Variants in LPAR1 observed in about 807,000 individuals in gnomAD.
LPAR1 encodes lysophosphatidic acid receptor 1.
A neutral mutation model predicts 23.8 loss-of-function variants in LPAR1; 5 were observed. The observed-to-expected ratio is 0.21, with a 90% CI of 0.11 to 0.44. The LOEUF (loss-of-function observed/expected upper bound fraction) is 0.44, where lower values mean the gene tolerates loss of function less well. LPAR1 is among the 20% of genes least tolerant of loss of function. The pLI is 0.99. For synonymous variants in LPAR1, 160 were observed against 164.7 expected, an observed-to-expected ratio of 0.97 and a Z score of 0.22; for missense variants, 311 against 482.8, an observed-to-expected ratio of 0.64 and a Z score of 3.33.
At chr9:110,878,048 T>C (rs2079589422) in intron 5 of LPAR1, among the ~76,000 whole-genome samples, 1 of 152,208 alleles carries the variant, frequency 6.6e-6, no homozygotes, top group South Asian at 2.1e-4. Context: ...CACCACAGCC[T>C]GACACAGGAG....
intron 2 of LPAR1, among the ~76,000 whole-genome samples, chr9:110,996,918 C>G (rs1330787147): frequency 7.9e-5 from 12 of 152,200 alleles, no homozygotes; most frequent in Non-Finnish European, 5.9e-5. Flanking sequence ...GATCTCTGAT[C>G]TAAGTTACAT....
At chr9:111,024,580 T>C (rs1044381760) in intron 2 of LPAR1, among the ~76,000 whole-genome samples, 3 of 146,892 alleles carry the variant, frequency 2.0e-5, no homozygotes, top group Non-Finnish European at 4.5e-5. Context: ...ACACACACAC[T>C]TTAAGTTCTG....
At chr9:110,983,415 C>A (rs753063767) in intron 2 of LPAR1, among the ~76,000 whole-genome samples, 2 of 152,014 alleles carry the variant, frequency 1.3e-5, no homozygotes, top group African/African-American at 2.4e-5. Context: ...CAAAAAAGGA[C>A]AAATACTCCA....
At chr9:110,894,333 A>T (rs2085536694) in intron 5 of LPAR1, among the ~76,000 whole-genome samples, 1 of 152,210 alleles carries the variant, frequency 6.6e-6, no homozygotes, top group South Asian at 2.1e-4. Context: ...ACATTGGACA[A>T]GTTATTCACT....
intron 5 of LPAR1, among the ~76,000 whole-genome samples, chr9:110,932,542 G>A (rs2094473451): frequency 6.6e-6 from 1 of 152,196 alleles, no homozygotes; most frequent in South Asian, 2.1e-4. Context: ...TAACAGAATG[G>A]TGCCTTAGAT....
At chr9:111,022,846 C>T (rs1051041979) in intron 2 of LPAR1, among the ~76,000 whole-genome samples, 7 of 151,752 alleles carry the variant, frequency 4.6e-5, no homozygotes. Context: ...GTCAGGAGAT[C>T]GAGACCATCC....
At chr9:110,980,594 T>A (rs1161509083) in intron 2 of LPAR1, among the ~76,000 whole-genome samples, 1 of 151,060 alleles carries the variant, frequency 6.6e-6, no homozygotes, top group Non-Finnish European at 1.5e-5. Context: ...AAGTAGAGAG[T>A]AGGATAGTGC....
At chr9:111,025,055 A>T (rs974025277) in intron 2 of LPAR1, among the ~76,000 whole-genome samples, 2 of 152,210 alleles carry the variant, frequency 1.3e-5, no homozygotes, top group African/African-American at 2.4e-5. Context: ...AATCCTTTGG[A>T]TATATACCCA....
intron 5 of LPAR1, among the ~76,000 whole-genome samples, chr9:110,909,761 T>C (rs1180163351): frequency 6.7e-6 from 1 of 149,100 alleles, no homozygotes; most frequent in Admixed American, 6.7e-5. Context: ...ATTTATTTAT[T>C]TAGAGAGAGG....
At chr9:111,029,062 C>T (rs984274209) in intron 2 of LPAR1, among the ~76,000 whole-genome samples, 5 of 152,102 alleles carry the variant, frequency 3.3e-5, no homozygotes, top group South Asian at 2.1e-4. Flanking sequence ...GCTTGATAAC[C>T]GATAAAACTA....
At chr9:110,909,115 G>A (rs1292212533) in intron 5 of LPAR1, among the ~76,000 whole-genome samples, 1 of 152,062 alleles carries the variant, frequency 6.6e-6, no homozygotes, top group Non-Finnish European at 1.5e-5. Context: ...CTTACACATT[G>A]TGACTATTTT....
rs535168442 is a variant in LPAR1 at position 110,978,678 on chromosome 9, C to T, written c.-181-5120G>A. Among the ~76,000 whole-genome samples the T allele has an allele frequency of 6.6e-5, 10 of 152,264 alleles. No homozygotes were observed. In the South Asian group the frequency reaches 2.1e-3, roughly 32 times the overall value. ...CTTGTCTTCTTTCTTATTATCTCTT[C>T]CGCCTATCAGAGCTAAATAGCATCT... On this transcript the variant is annotated intron_variant, in intron 2 of 5. Transcript: ENST00000683809.
At chr9:110,964,208 G>A (rs950589641) in intron 4 of LPAR1, among the ~76,000 whole-genome samples, 4 of 152,128 alleles carry the variant, frequency 2.6e-5, no homozygotes, top group African/African-American at 9.7e-5. Flanking sequence ...AATAAAGAGA[G>A]GAAGTGGAAT....
chr9:111,036,184 C>G lies in LPAR1; in HGVS notation c.-244G>C, dbSNP rs551303123. 1 of 152,298 alleles carries G rather than the reference C, an allele frequency of 6.6e-6. No individual in the cohort carries two copies. Among genetic ancestry groups the G allele is most frequent in the African/African-American group, 2.4e-5 (1 of 41,554 alleles). 9.4% of individuals were successfully genotyped at this position (152,298 alleles called of 1,614,324 possible). ...AAATCCATGCTGAGTGCCCACAGAC[C>G]TGGGCAGGAGCTGTTCCCTTGAGAG... On this transcript the variant is annotated 5_prime_UTR_variant, in exon 2 of 6. Coordinates refer to ENST00000683809, the MANE Select transcript of LPAR1 (RefSeq NM_001351411.2).
chr9:111,020,745 AC>A (rs1429046662), intron 2 of LPAR1, among the ~76,000 whole-genome samples: 61 of 152,234 alleles, frequency 4.0e-4, no homozygotes, highest in African/African-American at 1.4e-3. Flanking sequence ...TGCCTGTGTG[AC>A]CTGCCCCTGC....
intron 2 of LPAR1, among the ~76,000 whole-genome samples, chr9:110,997,300 A>T (rs1310450190): frequency 1.3e-5 from 2 of 152,194 alleles, no homozygotes; most frequent in African/African-American, 4.8e-5. Context: ...ATAAAGAACA[A>T]GAGTCATGGA....
intron 2 of LPAR1, among the ~76,000 whole-genome samples, chr9:110,987,619 A>C (rs1163823508): frequency 6.6e-6 from 1 of 151,634 alleles, no homozygotes; most frequent in Non-Finnish European, 1.5e-5. Context: ...GGAGTAGGTA[A>C]GGAGAACCCA....
At chr9:111,007,323 T>C (rs1224137357) in intron 2 of LPAR1, among the ~76,000 whole-genome samples, 1 of 152,202 alleles carries the variant, frequency 6.6e-6, no homozygotes, top group African/African-American at 2.4e-5. Flanking sequence ...CTTCATTATA[T>C]TAAACAAATG....
At chr9:110,881,102 G>A (rs1393237994) in intron 5 of LPAR1, among the ~76,000 whole-genome samples, 1 of 152,000 alleles carries the variant, frequency 6.6e-6, no homozygotes, top group Non-Finnish European at 1.5e-5. Context: ...CTTTTTTCCT[G>A]ACTATTGAAA....
Sources: allele counts gnomAD v4.1 joint callset (sites outside exome capture counted in the v4.1 genomes callset), GRCh38; gene constraint gnomAD v4.1.1; transcripts MANE v1.5; gene names NCBI Gene and HGNC (gene_info 2026-07-23, HGNC 2026-07-21).